Variants in MSRA observed in about 807,000 individuals in gnomAD.
MSRA encodes the protein methionine sulfoxide reductase A.
A neutral mutation model predicts 31.3 loss-of-function variants in MSRA; 54 were observed. The observed-to-expected ratio is 1.73, with a 90% CI of 1.39 to 2.17. The LOEUF is 2.17. MSRA is among the 30% of genes most tolerant of loss of function. The pLI is 0.00. For synonymous variants in MSRA, 169 were observed against 116.5 expected (o/e 1.45, Z -2.90); for missense variants, 507 against 300.9 (o/e 1.69, Z -5.07).
intron 5 of MSRA, among the ~76,000 whole-genome samples, chr8:10,380,911 AGGGGG>A (rs969085567): frequency 8.2e-6 from 1 of 121,692 alleles, no homozygotes. Context: ...GGCTGGAGGG[AGGGGG>A]AGTGATGGAT....
intron 5 of MSRA, among the ~76,000 whole-genome samples, chr8:10,372,559 G>T (rs117261939): frequency 6.6e-6 from 1 of 152,086 alleles, no homozygotes; most frequent in East Asian, 1.9e-4. Flanking sequence ...TCCTAGCAAC[G>T]GTAACTATCC....
In MSRA at chr8:10,338,803, A is replaced by T. The variant is rs1476769421; in HGVS notation, c.543+18814A>T. Among the ~76,000 whole-genome samples the T allele has an allele frequency of 2.0e-5, 3 of 152,206 alleles. No individual in the cohort carries two copies. In the East Asian group the frequency reaches 5.8e-4, roughly 29 times the overall value. Reference sequence around the variant, plus strand: ...GTGATTCATACAACTTCAGACAAATAATTTCCTAACCTGCAAAACTGAGCT... The same window carrying T: ...GTGATTCATACAACTTCAGACAAATTATTTCCTAACCTGCAAAACTGAGCT... On this transcript the variant is annotated intron_variant, in intron 5 of 5. Transcript: ENST00000317173.
At chr8:10,059,387 T>C (rs1474163074) in intron 1 of MSRA, among the ~76,000 whole-genome samples, 1 of 152,214 alleles carries the variant, frequency 6.6e-6, no homozygotes, top group African/African-American at 2.4e-5. Context: ...GGCCCATAGA[T>C]GTTAGGCAGT....
chr8:10,324,988 G>C (rs1198485785), intron 5 of MSRA, among the ~76,000 whole-genome samples: 4 of 152,184 alleles, frequency 2.6e-5, no homozygotes, highest in Non-Finnish European at 5.9e-5. Flanking sequence ...TGTAAGATTG[G>C]GCAATGCAGG....
intron 2 of MSRA, among the ~76,000 whole-genome samples, chr8:10,242,242 G>A (rs1170007916): frequency 5.3e-5 from 8 of 150,098 alleles, no homozygotes; most frequent in Non-Finnish European, 1.2e-4. Flanking sequence ...CTGAACTCCA[G>A]CCTGGGTGAC....
chr8:10,205,790 T>A (rs1808912254), intron 1 of MSRA, among the ~76,000 whole-genome samples: 1 of 152,210 alleles, frequency 6.6e-6, no homozygotes, highest in Non-Finnish European at 1.5e-5. Flanking sequence ...ATATTTTAAT[T>A]AGTTGTCATT....
At chr8:10,265,954 A>G (rs1403671068) in intron 3 of MSRA, among the ~76,000 whole-genome samples, 1 of 152,156 alleles carries the variant, frequency 6.6e-6, no homozygotes. Flanking sequence ...TTTCCTGCTG[A>G]ATGATATTCT....
Position 10,116,591 on chromosome 8 carries a change from A to C in MSRA, c.142+61933A>C, listed in dbSNP as rs554249083. Among the ~76,000 whole-genome samples the C allele has an allele frequency of 4.6e-5, 7 of 152,324 alleles. No individual in the cohort carries two copies. In the South Asian group the frequency reaches 1.4e-3, roughly 32 times the overall value. On this transcript the variant is annotated intron_variant, in intron 1 of 5. Transcript: ENST00000317173. ...CAAATCACTTGGATATCGTGTGATA[A>C]CATACATGCCATCGATAGACACCTA...
chr8:10,225,229 C>G lies in MSRA; in HGVS notation c.211+17328C>G, dbSNP rs78284949. Among the ~76,000 whole-genome samples, 9 of 152,374 alleles carry G rather than the reference C, an allele frequency of 5.9e-5. No homozygotes were observed. In the East Asian group the frequency reaches 1.7e-3, roughly 29 times the overall value. On this transcript the variant is annotated intron_variant, in intron 2 of 5. Coordinates refer to ENST00000317173, the MANE Select transcript of MSRA (RefSeq NM_012331.5). ...TCCCTTACTCTAACCACTGCACACCCTCCCATGTATTCAGTTGAAACCCTA... is the reference window on the plus strand; with the variant it reads ...TCCCTTACTCTAACCACTGCACACCGTCCCATGTATTCAGTTGAAACCCTA...
In MSRA at chr8:10,192,525, G is replaced by C. The variant is rs1807598302; in HGVS notation, c.143-15308G>C. 2.6e-5 allele frequency among the ~76,000 whole-genome samples: 4 copies of C among 152,226 alleles called. 1 individual carries two copies. In the South Asian group the frequency reaches 8.3e-4, roughly 31 times the overall value. On this transcript the variant is annotated intron_variant, in intron 1 of 5. Coordinates refer to ENST00000317173, the MANE Select transcript of MSRA (RefSeq NM_012331.5). ...AAAGTGTACCTTGCAATTGAACAGTGGTTGTTGTGCAACAAGGGAGTTCCT... is the reference window on the plus strand; with the variant it reads ...AAAGTGTACCTTGCAATTGAACAGTCGTTGTTGTGCAACAAGGGAGTTCCT...
intron 2 of MSRA, among the ~76,000 whole-genome samples, chr8:10,218,249 C>A (rs148259564): frequency 6.6e-6 from 1 of 151,730 alleles, no homozygotes; most frequent in Non-Finnish European, 1.5e-5. Context: ...CAGGTTCAAG[C>A]GATTCTTTTC....
chr8:10,301,135 A>G (rs1002039569), intron 3 of MSRA, among the ~76,000 whole-genome samples: 2 of 152,090 alleles, frequency 1.3e-5, no homozygotes. Context: ...TGAGCTCACT[A>G]CATATAGCAT....
At chr8:10,419,603 T>G (rs1367498747) in intron 5 of MSRA, among the ~76,000 whole-genome samples, 1 of 152,126 alleles carries the variant, frequency 6.6e-6, no homozygotes, top group Admixed American at 6.6e-5. Flanking sequence ...CTGACATCCA[T>G]TAGAAAATTG....
chr8:10,353,619 C>A (rs1374945443), intron 5 of MSRA: 9 of 456,230 alleles, frequency 2.0e-5, no homozygotes, highest in Middle Eastern at 3.3e-4. Context: ...CCTTTAGGTA[C>A]CCAAGCATGT....
At chr8:10,059,037 T>C (rs1380697693) in intron 1 of MSRA, 2 of 152,146 alleles carry the variant, frequency 1.3e-5, no homozygotes, top group Non-Finnish European at 2.9e-5. Context: ...ATTCGAGAAC[T>C]ACAAAAGAGG....
chr8:10,371,124 A>C (rs185708167), intron 5 of MSRA, among the ~76,000 whole-genome samples: 75 of 152,336 alleles, frequency 4.9e-4, no homozygotes, highest in African/African-American at 1.7e-3. Flanking sequence ...TCTCAGTGTC[A>C]TGATAGATGA....
intron 1 of MSRA, among the ~76,000 whole-genome samples, chr8:10,157,904 T>C (rs2129040562): frequency 6.6e-6 from 1 of 152,322 alleles, no homozygotes; most frequent in Middle Eastern, 3.4e-3. Context: ...CTATTTAATG[T>C]GTACAGTTCA....
At chr8:10,255,274 G>A (rs1003119477) in intron 3 of MSRA, among the ~76,000 whole-genome samples, 2 of 152,212 alleles carry the variant, frequency 1.3e-5, no homozygotes, top group African/African-American at 4.8e-5. Flanking sequence ...AAACTCGCAG[G>A]ATTATTGAGG....
Position 10,314,726 on chromosome 8 carries a change from G to A in MSRA, c.437-5157G>A, listed in dbSNP as rs1297880973. On this transcript the variant is annotated intron_variant, in intron 4 of 5. Coordinates refer to ENST00000317173, the MANE Select transcript of MSRA (RefSeq NM_012331.5). ...GAATGTTCTTTACAGCCCCAGGCTG[G>A]TAATGTTCATTAAGGGTAGAATGTA... Among the ~76,000 whole-genome samples, 7 of 152,310 alleles carry A rather than the reference G, an allele frequency of 4.6e-5. No individual in the cohort carries two copies. In the East Asian group the frequency reaches 1.2e-3, roughly 25 times the overall value.
Sources: gnomAD v4.1 joint callset for allele counts (sites outside exome capture counted in the v4.1 genomes callset) on GRCh38, gnomAD v4.1.1 for gene constraint, MANE v1.5 for transcripts, NCBI Gene and HGNC (gene_info 2026-07-23, HGNC 2026-07-21) for gene names.